ANKRD30BL: variants seen among roughly 807,000 people sequenced by gnomAD.
ANKRD30BL encodes the protein ankyrin repeat domain 30B like.
In ANKRD30BL, 20 loss-of-function variants were observed where a neutral mutation model predicts 18.4. That is an observed-to-expected ratio of 1.09 (90% confidence interval 0.77 to 1.58). The LOEUF is 1.58. ANKRD30BL is among the 40% of genes most tolerant of loss of function. The probability of loss-of-function intolerance (pLI) is 0.00; values close to 1 mark genes in which losing one functional copy is unlikely to be tolerated. For missense variants in ANKRD30BL, 224 were observed against 268.6 expected (o/e 0.83, Z 1.16); for synonymous variants, 72 against 100.9 (o/e 0.71, Z 1.72).
intron 1 of ANKRD30BL, among the ~76,000 whole-genome samples, chr2:132,254,418 G>C (rs1261363469): frequency 2.0e-5 from 3 of 152,232 alleles, no homozygotes; most frequent in Non-Finnish European, 2.9e-5. Context: ...AGTCAAGTTC[G>C]ACTGTCTTCT....
chr2:132,175,138 G>T (rs1367796239), intron 1 of ANKRD30BL, among the ~76,000 whole-genome samples: 3 of 152,172 alleles, frequency 2.0e-5, no homozygotes, highest in Admixed American at 6.5e-5. Flanking sequence ...GGGCCCAGGG[G>T]ACTGGCGCTC....
chr2:132,200,791 C>A (rs1237921399), intron 1 of ANKRD30BL, among the ~76,000 whole-genome samples: 1 of 152,102 alleles, frequency 6.6e-6, no homozygotes, highest in Admixed American at 6.6e-5. Flanking sequence ...TTGGAAAAAA[C>A]TACTTTAAAG....
chr2:132,173,826 C>T (rs970118637), intron 1 of ANKRD30BL, among the ~76,000 whole-genome samples: 15 of 152,180 alleles, frequency 9.9e-5, no homozygotes, highest in African/African-American at 3.6e-4. Context: ...ATACTCTGGC[C>T]ATGTAAATAT....
chr2:132,151,875 T>G (rs1378786577), intron 4 of ANKRD30BL, among the ~76,000 whole-genome samples: 1 of 152,222 alleles, frequency 6.6e-6, no homozygotes, highest in East Asian at 1.9e-4. Context: ...TGTCAGCATC[T>G]GGCTTGGACT....
intron 1 of ANKRD30BL, among the ~76,000 whole-genome samples, chr2:132,229,247 G>A (rs1481660563): frequency 1.3e-5 from 2 of 151,968 alleles, no homozygotes; most frequent in African/African-American, 2.4e-5. Flanking sequence ...GACCTTTCGA[G>A]TGCCTTCGGG....
At chr2:132,237,612 A>T (rs78354472) in intron 1 of ANKRD30BL, among the ~76,000 whole-genome samples, 1 of 152,022 alleles carries the variant, frequency 6.6e-6, no homozygotes, top group Non-Finnish European at 1.5e-5. Context: ...GGAAACGGGT[A>T]TGTCTTCACA....
At chr2:132,244,378 T>C (rs1051089244) in intron 1 of ANKRD30BL, among the ~76,000 whole-genome samples, 1 of 152,306 alleles carries the variant, frequency 6.6e-6, no homozygotes, top group Non-Finnish European at 1.5e-5. Context: ...AAGTGGATAT[T>C]TGGACAGCTT....
chr2:132,241,674 C>T (rs563713716), intron 1 of ANKRD30BL, among the ~76,000 whole-genome samples: 31 of 150,644 alleles, frequency 2.1e-4, no homozygotes, highest in Middle Eastern at 3.4e-3. Context: ...TTGTTGGAAA[C>T]GGGAATAGCT....
At chr2:132,186,839 A>T (rs1458385499) in intron 1 of ANKRD30BL, among the ~76,000 whole-genome samples, 1 of 152,104 alleles carries the variant, frequency 6.6e-6, no homozygotes, top group Non-Finnish European at 1.5e-5. Context: ...TGGATCAATA[A>T]ATGTCTTTCA....
intron 1 of ANKRD30BL, among the ~76,000 whole-genome samples, chr2:132,217,744 A>G (rs1344013481): frequency 6.6e-6 from 1 of 152,180 alleles, no homozygotes; most frequent in African/African-American, 2.4e-5. Context: ...TATTTCAACC[A>G]GTTTGAGGTC....
At chr2:132,247,904 T>A (rs1254825728) in intron 1 of ANKRD30BL, among the ~76,000 whole-genome samples, 1 of 151,952 alleles carries the variant, frequency 6.6e-6, no homozygotes, top group Non-Finnish European at 1.5e-5. Flanking sequence ...TCTCAGAATG[T>A]TCTGTCTAGT....
chr2:132,255,597 C>A (rs1680808526), intron 1 of ANKRD30BL, among the ~76,000 whole-genome samples: 1 of 152,094 alleles, frequency 6.6e-6, no homozygotes, highest in Admixed American at 6.6e-5. Context: ...GACTTGCCCT[C>A]CAATTGATCC....
intron 1 of ANKRD30BL, among the ~76,000 whole-genome samples, chr2:132,188,850 T>TC (rs1678783304): frequency 6.6e-6 from 1 of 152,186 alleles, no homozygotes; most frequent in African/African-American, 2.4e-5. Context: ...AAAAGATTGG[T>TC]TCTACTACAT....
At chr2:132,232,024 A>G (rs1680034489) in intron 1 of ANKRD30BL, among the ~76,000 whole-genome samples, 1 of 152,076 alleles carries the variant, frequency 6.6e-6, no homozygotes, top group African/African-American at 2.4e-5. Flanking sequence ...TGGGTCCCTG[A>G]CCCCTGACCC....
At chr2:132,198,303 TC>T (rs1558928497) in intron 1 of ANKRD30BL, among the ~76,000 whole-genome samples, 276 of 13,508 alleles carry the variant, frequency 0.02, 19 homozygotes, top group African/African-American at 0.044. Flanking sequence ...TTTCTTTCTT[TC>T]TTTCTTTCTT....
At chr2:132,175,106 C>A (rs1688338929) in intron 1 of ANKRD30BL, among the ~76,000 whole-genome samples, 3 of 152,152 alleles carry the variant, frequency 2.0e-5, no homozygotes. Context: ...GACACAGAGT[C>A]AAAGTATAGA....
At position 132,174,455 on chromosome 2, in the gene ANKRD30BL, A is replaced by T. The variant is rs190297662; in HGVS notation, n.442-17309T>A. Among the ~76,000 whole-genome samples the T allele has an allele frequency of 7.8e-4, 119 of 152,306 alleles. 2 individuals carry two copies. Among genetic ancestry groups the T allele is most frequent in the African/African-American group, 2.6e-3 (107 of 41,562 alleles). ...GCAGGAGTCTCTCCAGAGGGACAGC[A>T]TCATACCCAGTAGGGTGACATTAAT... is the stretch of plus-strand genomic sequence containing the variant. On this transcript the variant is annotated intron_variant and non_coding_transcript_variant, in intron 1 of 4. Coordinates refer to the ANKRD30BL transcript ENST00000470729.
chr2:132,168,922 A>G (rs1430718551), intron 1 of ANKRD30BL, among the ~76,000 whole-genome samples: 1 of 151,058 alleles, frequency 6.6e-6, no homozygotes, highest in East Asian at 1.9e-4. Flanking sequence ...TTTGTACAGC[A>G]TAATTAATTA....
At chr2:132,254,721 T>C (rs1680773213) in intron 1 of ANKRD30BL, among the ~76,000 whole-genome samples, 5 of 152,224 alleles carry the variant, frequency 3.3e-5, no homozygotes, top group African/African-American at 7.2e-5. Flanking sequence ...CACAGACCTG[T>C]TATTGCTCAA....
Sources: gnomAD v4.1 joint callset for allele counts (sites outside exome capture counted in the v4.1 genomes callset) on GRCh38, gnomAD v4.1.1 for gene constraint, MANE v1.5 for transcripts, NCBI Gene and HGNC (gene_info 2026-07-23, HGNC 2026-07-21) for gene names.